Variants in GALC observed in about 807,000 individuals in gnomAD.
The protein encoded by GALC is galactosylceramidase.
Under a neutral mutation model 91.8 loss-of-function variants are expected in GALC, and 77 were observed. That is an observed-to-expected ratio of 0.84 (90% CI 0.70 to 1.01). The LOEUF (loss-of-function observed/expected upper bound fraction) is 1.01, where lower values mean the gene tolerates loss of function less well. Ranked by LOEUF, GALC falls within the 50% of genes least tolerant of loss-of-function variation. The pLI is 0.00. For missense variants in GALC, 882 were observed against 855.9 expected (o/e 1.03, Z -0.38); for synonymous variants, 357 against 306.7 (o/e 1.16, Z -1.71).
rs1884456799 is a variant in GALC at position 87,933,808 on chromosome 14, T to A, written c.*924A>T. On this transcript the variant is annotated 3_prime_UTR_variant, in exon 17 of 17. Coordinates refer to ENST00000261304, the MANE Select transcript of GALC (RefSeq NM_000153.4). ...AAAGTAAGTACATCTTAGGAGATGATCCAATTCTGGGAGTTAGCAAATGTC... is the reference window on the plus strand; with the variant it reads ...AAAGTAAGTACATCTTAGGAGATGAACCAATTCTGGGAGTTAGCAAATGTC... 1 of 563,768 alleles carries A rather than the reference T, an allele frequency of 1.8e-6. No homozygotes were observed. The highest frequency in any genetic ancestry group is 1.9e-5 in the African/African-American group (1 of 53,208). The allele number at this position is 563,768 out of a possible 1,614,324, so 34.9% of individuals were successfully genotyped here.
chr14:87,963,015 C>G (rs1002348058), intron 10 of GALC, among the ~76,000 whole-genome samples: 1 of 152,080 alleles, frequency 6.6e-6, no homozygotes, highest in East Asian at 1.9e-4. Context: ...TCTCAACAGA[C>G]TTAAGGTCTC....
chr14:87,934,306 G>C lies in GALC; in HGVS notation c.*426C>G. 1 of 1,286,962 alleles carries C rather than the reference G, an allele frequency of 7.8e-7. No homozygotes were observed. The highest frequency in any genetic ancestry group is 9.9e-7 in the Non-Finnish European group (1 of 1,011,354). 79.7% of individuals were successfully genotyped at this position (1,286,962 alleles called of 1,614,324 possible). A position where few individuals can be genotyped will look rare whatever the true frequency, so the allele number is the denominator to read the frequency against. On this transcript the variant is annotated 3_prime_UTR_variant, in exon 17 of 17. Coordinates refer to ENST00000261304, the MANE Select transcript of GALC (RefSeq NM_000153.4). ...CTTTCTATTATGGCAGCATCATCTT[G>C]TGATGAAGACACTGGCTCACTTGGA...
At chr14:87,983,113 G>A (rs1018357598) in intron 5 of GALC, among the ~76,000 whole-genome samples, 13 of 152,092 alleles carry the variant, frequency 8.5e-5, no homozygotes, top group Non-Finnish European at 1.6e-4. Flanking sequence ...GCCGAGGCGG[G>A]CGGATCACGA....
chr14:87,987,609 A>G (rs1887027878), intron 3 of GALC: 1 of 157,402 alleles, frequency 6.4e-6, no homozygotes, highest in East Asian at 1.9e-4. Flanking sequence ...AATCATAGAG[A>G]GAATTTCTTT....
rs1411708821 is a variant in GALC at position 87,986,365 on chromosome 14, C to G, written c.442+124G>C. On this transcript the variant is annotated intron_variant, in intron 4 of 16. Transcript: ENST00000261304. ...CTGGCACATGCTTTGCTGCTGGTAG[C>G]ATACTGGTAGCATTAATGACATTAT... 3 of 711,792 alleles carry G rather than the reference C, an allele frequency of 4.2e-6. No homozygotes were observed. In the African/African-American group the frequency reaches 5.2e-5, roughly 12 times the overall value. 44.1% of individuals were successfully genotyped at this position (711,792 alleles called of 1,614,324 possible).
chr14:87,993,658 A>G (rs1887341588), upstream of GALC: 44 of 609,552 alleles, frequency 7.2e-5, no homozygotes, highest in South Asian at 7.8e-4. Flanking sequence ...AGAAAAGTTA[A>G]TAAGCACTCA....
At chr14:87,953,820 T>C in intron 10 of GALC, 1 of 1,608,294 alleles carries the variant, frequency 6.2e-7, no homozygotes, top group Middle Eastern at 2.3e-4. Flanking sequence ...GAAGTATGAT[T>C]GTTTAGTCAT....
intron 10 of GALC, among the ~76,000 whole-genome samples, chr14:87,962,725 G>T (rs1001977669): frequency 3.3e-5 from 5 of 151,870 alleles, no homozygotes; most frequent in Non-Finnish European, 5.9e-5. Context: ...CTGACTATAT[G>T]CACTTCCTAT....
chr14:87,982,087 T>C (rs888813575), intron 6 of GALC, 118 bp downstream of exon 6: 3 of 587,226 alleles, frequency 5.1e-6, no homozygotes, highest in Non-Finnish European at 9.1e-6. Context: ...AATAAATAAC[T>C]GTAGTATAAA....
In GALC at chr14:87,971,258, T is replaced by C. The variant is rs913476552; in HGVS notation, c.753-2768A>G. ...GGATCAGCAGATGGTATATGGAAACTAGAAGTGAAAGGGGACTGGCCGGTA... is the reference window on the plus strand; with the variant it reads ...GGATCAGCAGATGGTATATGGAAACCAGAAGTGAAAGGGGACTGGCCGGTA... On this transcript the variant is annotated intron_variant, in intron 7 of 16. Coordinates refer to ENST00000261304, the MANE Select transcript of GALC (RefSeq NM_000153.4). Among the ~76,000 whole-genome samples the C allele has an allele frequency of 2.7e-4, 41 of 151,958 alleles. 1 individual carries two copies. The highest frequency in any genetic ancestry group is 2.4e-3 in the Admixed American group (36 of 15,258).
At chr14:87,976,529 G>C in intron 6 of GALC, 41 bp from the exon 7 acceptor site, 1 of 1,541,552 alleles carries the variant, frequency 6.5e-7, no homozygotes, top group Non-Finnish European at 9.0e-7. Flanking sequence ...GGATACAAAT[G>C]AATTTTTAGC....
At chr14:87,987,778 T>G (rs1056135673) in intron 3 of GALC, 20 of 170,808 alleles carry the variant, frequency 1.2e-4, no homozygotes, top group Non-Finnish European at 2.3e-4. Context: ...ACCACATATT[T>G]TAAGTTAATA....
Position 87,947,792 on chromosome 14 carries a change from G to C in GALC, c.1425C>G (p.Gly475=). 1 of 1,612,872 alleles carries C rather than the reference G, an allele frequency of 6.2e-7. No individual in the cohort carries two copies. Among genetic ancestry groups the C allele is most frequent in the Non-Finnish European group, 8.5e-7 (1 of 1,179,190 alleles). The change falls in exon 13 of 17, where the codon GGC becomes GGG. Residue 475 remains glycine (G), a synonymous_variant. Transcript: ENST00000261304. Reference sequence around the variant, plus strand: ...GGGATTTTGGAGGAAGCGGGTAGCTGCCTTTGCGACCAGTGGTGAGAGTGG... The same window carrying C: ...GGGATTTTGGAGGAAGCGGGTAGCTCCCTTTGCGACCAGTGGTGAGAGTGG... ...TLTTLTTGRK[G]SYPLPPKSQP...
In GALC at chr14:87,956,615, C is replaced by T. The variant is rs1002059973; in HGVS notation, c.1162-5867G>A. 4.2e-4 allele frequency among the ~76,000 whole-genome samples: 58 copies of T among 136,472 alleles called. No homozygotes were observed. The East Asian group carries it at 7.8e-3, about 18-fold the overall frequency. 89.5% of individuals were successfully genotyped at this position (136,472 alleles called of 152,430 possible). A position where few individuals can be genotyped will look rare whatever the true frequency, so the allele number is the denominator to read the frequency against. On this transcript the variant is annotated intron_variant, in intron 10 of 16. Coordinates refer to ENST00000261304, the MANE Select transcript of GALC (RefSeq NM_000153.4). ...ATATACACACACACACACACACACA[C>T]ACACACCATATATATATGGTATATA...
At chr14:87,939,607 CAAACT>C (rs1884745640) in intron 16 of GALC, among the ~76,000 whole-genome samples, 6 of 151,598 alleles carry the variant, frequency 4.0e-5, no homozygotes, top group African/African-American at 1.5e-4. Flanking sequence ...TTGGTTCAAG[CAAACT>C]TGAAAAAAAT....
rs779037844 is a variant in GALC at position 87,984,513 on chromosome 14, C to T, written c.463G>A (p.Gly155Arg). 6.2e-7 allele frequency: 1 copy of T among 1,614,086 alleles called. No homozygotes were observed. Among genetic ancestry groups the T allele is most frequent in the South Asian group, 1.1e-5 (1 of 91,080 alleles). The change falls in exon 5 of 17, where the codon GGA (glycine) becomes AGA (arginine). Residue 155 changes from glycine (G) to arginine (R), a missense_variant. Gly to Arg is a moderately radical substitution (Grantham distance 125, BLOSUM62 -2). Coordinates refer to ENST00000261304, the MANE Select transcript of GALC (RefSeq NM_000153.4). ...TLIGLPWSFP[G>R]WLGKGFDWPY... ...CAGTCGAAACCTTTTCCCAGCCATCCAGGGAATGACCATGGCAACCCTGCA... is the reference window on the plus strand; with the variant it reads ...CAGTCGAAACCTTTTCCCAGCCATCTAGGGAATGACCATGGCAACCCTGCA...
chr14:87,962,776 T>C (rs1393470350), intron 10 of GALC, among the ~76,000 whole-genome samples: 1 of 152,110 alleles, frequency 6.6e-6, no homozygotes, highest in Non-Finnish European at 1.5e-5. Flanking sequence ...TTGACCTCTT[T>C]GGGAAGCTTG....
intron 6 of GALC, 64 bp from the exon 7 acceptor site, chr14:87,976,552 G>T: frequency 8.0e-7 from 1 of 1,251,904 alleles, no homozygotes; most frequent in South Asian, 1.2e-5. Context: ...TTGAATTTAT[G>T]ACCAAGATAG....
At position 87,961,488 on chromosome 14, in the gene GALC, T is replaced by C. The variant is rs183058416; in HGVS notation, c.1161+1896A>G. On this transcript the variant is annotated intron_variant, in intron 10 of 16. Coordinates refer to ENST00000261304, the MANE Select transcript of GALC (RefSeq NM_000153.4). ...ATACCCAAGAGAACTGAAAACACGT[T>C]CACAGAAAAACTTGTACACATATGC... is the stretch of plus-strand genomic sequence containing the variant. Among the ~76,000 whole-genome samples the C allele has an allele frequency of 2.6e-5, 4 of 152,238 alleles. No homozygotes were observed. The East Asian group carries it at 7.7e-4, about 29-fold the overall frequency.
Sources: allele counts gnomAD v4.1 joint callset (sites outside exome capture counted in the v4.1 genomes callset), GRCh38; gene constraint gnomAD v4.1.1; transcripts MANE v1.5; gene names NCBI Gene and HGNC (gene_info 2026-07-23, HGNC 2026-07-21).